Variants in DOCK2 observed in about 807,000 individuals in gnomAD.
The protein encoded by DOCK2 is dedicator of cytokinesis protein 2.
In DOCK2, 87 loss-of-function variants were observed where a neutral mutation model predicts 248.9. The observed-to-expected ratio is 0.35, with a 90% CI of 0.29 to 0.42. The LOEUF (loss-of-function observed/expected upper bound fraction) is 0.42. Ranked by LOEUF, DOCK2 falls within the 10% of genes least tolerant of loss-of-function variation. DOCK2 has a pLI of 1.00. For synonymous variants in DOCK2, 805 were observed against 821.6 expected (o/e 0.98, Z 0.35); for missense variants, 1,747 against 2,300.2 (o/e 0.76, Z 4.92).
At chr5:169,675,448 T>C (rs1354235367) in intron 6 of DOCK2, among the ~76,000 whole-genome samples, 2 of 152,202 alleles carry the variant, frequency 1.3e-5, no homozygotes, top group African/African-American at 2.4e-5. Context: ...TAAAAGTCCC[T>C]GTCCACTAAA....
intron 25 of DOCK2, among the ~76,000 whole-genome samples, chr5:169,769,514 T>C (rs1327998385): frequency 6.6e-6 from 1 of 152,162 alleles, no homozygotes; most frequent in African/African-American, 2.4e-5. Flanking sequence ...AAGTAGAGGG[T>C]TGAATACATT....
chr5:169,717,955 G>A lies in DOCK2; in HGVS notation c.2132+471G>A, dbSNP rs188958045. Among the ~76,000 whole-genome samples, 17 of 152,240 alleles carry A rather than the reference G, an allele frequency of 1.1e-4. 1 individual carries two copies. The highest frequency in any genetic ancestry group is 3.9e-4 in the African/African-American group (16 of 41,546). On this transcript the variant is annotated intron_variant, in intron 21 of 51. Transcript: ENST00000520908. ...TGGGAGCCTGTAATCCCAGCTACTC[G>A]GGAGGCTGAGGCAGGAGAATCACTT...
intron 27 of DOCK2, among the ~76,000 whole-genome samples, chr5:169,955,523 G>A (rs757453822): frequency 6.6e-6 from 1 of 152,182 alleles, no homozygotes; most frequent in Non-Finnish European, 1.5e-5. Flanking sequence ...TGAATTGGAT[G>A]AAATGTATTT....
rs560358139 is a variant in DOCK2, at chr5:169,723,747, C to T, written c.2267+4956C>T. ...CTATTTAAAATTGCAACCCCTGTCC[C>T]GAGCACTGCTGATTTCTCTCTTCCT... On this transcript the variant is annotated intron_variant, in intron 22 of 51. Transcript: ENST00000520908. 6.1e-4 allele frequency among the ~76,000 whole-genome samples: 93 copies of T among 152,268 alleles called. 1 individual carries two copies. The highest frequency in any genetic ancestry group is 3.4e-3 in the Middle Eastern group (1 of 294).
At chr5:169,933,373 G>T (rs979969258) in intron 27 of DOCK2, among the ~76,000 whole-genome samples, 1 of 152,214 alleles carries the variant, frequency 6.6e-6, no homozygotes, top group Non-Finnish European at 1.5e-5. Context: ...TCATTAGTTT[G>T]TGAGATGGGC....
intron 26 of DOCK2, among the ~76,000 whole-genome samples, chr5:169,814,476 G>A (rs1001739457): frequency 1.8e-4 from 28 of 152,306 alleles, no homozygotes; most frequent in African/African-American, 6.3e-4. Flanking sequence ...TCATGGACGA[G>A]AAAATGGATG....
At position 169,957,895 on chromosome 5, in the gene DOCK2, A is replaced by G. The variant is rs543010409; in HGVS notation, c.2800-25173A>G. Among the ~76,000 whole-genome samples the G allele has an allele frequency of 2.0e-5, 3 of 152,310 alleles. No homozygotes were observed. The South Asian group carries it at 6.2e-4, about 32-fold the overall frequency. ...TCCTTAAACATGCCTATTTGCAGAG[A>G]CACACTGAGCTAAGCAGCAAAAGTG... On this transcript the variant is annotated intron_variant, in intron 27 of 51. Transcript: ENST00000520908.
intron 26 of DOCK2, among the ~76,000 whole-genome samples, chr5:169,804,290 A>G (rs955042930): frequency 3.9e-5 from 6 of 152,182 alleles, no homozygotes; most frequent in Admixed American, 2.0e-4. Flanking sequence ...TTATTACTAC[A>G]TATGCATAGC....
chr5:169,687,811 G>C (rs1259139395), intron 8 of DOCK2, among the ~76,000 whole-genome samples: 1 of 152,086 alleles, frequency 6.6e-6, no homozygotes, highest in Non-Finnish European at 1.5e-5. Context: ...CCCTCCAATG[G>C]GTTTCCATTA....
chr5:169,870,451 TGG>T (rs1771881915), intron 27 of DOCK2, among the ~76,000 whole-genome samples: 1 of 152,178 alleles, frequency 6.6e-6, no homozygotes, highest in South Asian at 2.1e-4. Flanking sequence ...GGATCTTGGC[TGG>T]GTAAACTGAA....
intron 27 of DOCK2, among the ~76,000 whole-genome samples, chr5:169,917,908 A>G (rs1774962613): frequency 6.6e-6 from 1 of 152,198 alleles, no homozygotes; most frequent in East Asian, 1.9e-4. Context: ...TTAAATAAAG[A>G]ATGGTGTCTC....
At chr5:169,683,050 A>G (rs1027018156) in intron 7 of DOCK2, among the ~76,000 whole-genome samples, 1 of 152,180 alleles carries the variant, frequency 6.6e-6, no homozygotes, top group African/African-American at 2.4e-5. Flanking sequence ...CATTTGGGTA[A>G]GTTTTCAGTT....
intron 5 of DOCK2, among the ~76,000 whole-genome samples, chr5:169,672,070 G>A (rs1184106859): frequency 6.6e-6 from 1 of 151,954 alleles, no homozygotes; most frequent in African/African-American, 2.4e-5. Flanking sequence ...GCAATGGCAT[G>A]ATCTTGGCTC....
At chr5:169,861,020 G>T (rs1363609370) in intron 27 of DOCK2, among the ~76,000 whole-genome samples, 1 of 152,204 alleles carries the variant, frequency 6.6e-6, no homozygotes, top group Non-Finnish European at 1.5e-5. Context: ...TTAGAGTTCA[G>T]GTGTCTGAGT....
At chr5:169,838,867 C>T (rs527979767) in intron 26 of DOCK2, among the ~76,000 whole-genome samples, 30 of 152,270 alleles carry the variant, frequency 2.0e-4, no homozygotes, top group African/African-American at 4.1e-4. Flanking sequence ...TATTCATCTC[C>T]GGATGCCAAA....
At chr5:169,849,778 C>A (rs1242170133) in intron 27 of DOCK2, among the ~76,000 whole-genome samples, 1 of 152,180 alleles carries the variant, frequency 6.6e-6, no homozygotes, top group Non-Finnish European at 1.5e-5. Flanking sequence ...TCTCCTTCTG[C>A]CTTTAGCTCA....
chr5:169,759,627 A>G (rs946137698), intron 23 of DOCK2, 78 bp from the exon 24 acceptor site: 5 of 1,485,470 alleles, frequency 3.4e-6, no homozygotes, highest in East Asian at 2.3e-5. Context: ...GATCTGTGTC[A>G]TGCTGCAAAG....
chr5:169,833,454 G>A (rs535043856), intron 26 of DOCK2, among the ~76,000 whole-genome samples: 2 of 152,196 alleles, frequency 1.3e-5, no homozygotes, highest in Non-Finnish European at 2.9e-5. Flanking sequence ...TAAGCCAGCA[G>A]TGGAGGACCC....
At chr5:169,998,200 C>A (rs190220132) in intron 30 of DOCK2, among the ~76,000 whole-genome samples, 4 of 152,176 alleles carry the variant, frequency 2.6e-5, no homozygotes, top group Non-Finnish European at 5.9e-5. Context: ...TGTCTACCTG[C>A]GTATTTTCTC....
Sources: allele counts gnomAD v4.1 joint callset (sites outside exome capture counted in the v4.1 genomes callset), GRCh38; gene constraint gnomAD v4.1.1; transcripts MANE v1.5; gene names NCBI Gene and HGNC (gene_info 2026-07-23, HGNC 2026-07-21).